The following ABCC2 variants were observed in gnomAD, a reference collection of about 807,000 sequenced individuals.
ABCC2 encodes the protein ATP binding cassette subfamily C member 2, also known as ATP-binding cassette sub-family C member 2.
ABCC2 carries 157 observed loss-of-function variants against 173.4 expected under a neutral mutation model. That is an observed-to-expected ratio of 0.91 (90% CI 0.80 to 1.03). The LOEUF (loss-of-function observed/expected upper bound fraction) is 1.03, where lower values mean the gene tolerates loss of function less well. ABCC2 is among the 50% of genes least tolerant of loss of function. ABCC2 has a pLI of 0.00. For synonymous variants in ABCC2, 657 were observed against 693.5 expected (o/e 0.95, Z 0.83); for missense variants, 1,822 against 1,852.3 (o/e 0.98, Z 0.30).
intron 1 of ABCC2, among the ~76,000 whole-genome samples, chr10:99,783,689 A>T (rs2037655698): frequency 6.6e-6 from 1 of 152,120 alleles, no homozygotes; most frequent in South Asian, 2.1e-4. Flanking sequence ...TGAGAGGGGC[A>T]GGGATGAGAT....
At position 99,830,721 on chromosome 10, in the gene ABCC2, G is replaced by C. The variant is rs746216620; in HGVS notation, c.2753G>C (p.Arg918Thr). The change falls in exon 21 of 32, where the codon AGG (arginine) becomes ACG (threonine). Residue 918 changes from arginine (R) to threonine (T), a missense_variant. Physicochemically the swap from Arg to Thr is moderately conservative, Grantham distance 71. Transcript: ENST00000647814. ...GGGAAGCTTCCCTCTCTCAGTTCTA[G>C]GTCCAATGGCAGGCATCTGAAGTCC... ...SFRRTLSRSS[R>T]SNGRHLKSLR... 7 of 1,614,044 alleles carry C rather than the reference G, an allele frequency of 4.3e-6. No individual in the cohort carries two copies. In the South Asian group the frequency reaches 7.7e-5, roughly 18 times the overall value.
chr10:99,796,227 T>C (rs776494694), intron 6 of ABCC2, among the ~76,000 whole-genome samples: 23 of 152,006 alleles, frequency 1.5e-4, no homozygotes, highest in Non-Finnish European at 3.4e-4. Flanking sequence ...GCTGGGGGCC[T>C]GGTGCAGTGG....
intron 9 of ABCC2, among the ~76,000 whole-genome samples, chr10:99,803,474 C>G (rs2038045442): frequency 6.6e-6 from 1 of 152,166 alleles, no homozygotes; most frequent in Non-Finnish European, 1.5e-5. Context: ...TCCTCCCTCT[C>G]TCCTTCCATC....
chr10:99,795,776 AAAG>A (rs2037898267), intron 6 of ABCC2, among the ~76,000 whole-genome samples: 1 of 146,186 alleles, frequency 6.8e-6, no homozygotes, highest in African/African-American at 2.7e-5. Flanking sequence ...AGAAAGAAAG[AAAG>A]AAAGAAAGAA....
chr10:99,801,211 A>G (rs1188408861), intron 9 of ABCC2, among the ~76,000 whole-genome samples: 3 of 151,552 alleles, frequency 2.0e-5, no homozygotes, highest in Admixed American at 6.6e-5. Context: ...CCTCTGATAC[A>G]TTGTTTGTTG....
intron 2 of ABCC2, among the ~76,000 whole-genome samples, chr10:99,785,886 C>T (rs1241308997): frequency 6.6e-6 from 1 of 151,916 alleles, no homozygotes; most frequent in Non-Finnish European, 1.5e-5. Context: ...TACTAGCATA[C>T]CTAACAATGA....
At chr10:99,795,781 AAGAAAG>A (rs2037899172) in intron 6 of ABCC2, among the ~76,000 whole-genome samples, 1 of 144,146 alleles carries the variant, frequency 6.9e-6, no homozygotes, top group Non-Finnish European at 1.5e-5. Flanking sequence ...GAAAGAAAGA[AAGAAAG>A]AAAGAAAGAA....
At chr10:99,832,783 A>T (rs1457460791) in intron 23 of ABCC2, among the ~76,000 whole-genome samples, 2 of 152,214 alleles carry the variant, frequency 1.3e-5, no homozygotes, top group Non-Finnish European at 2.9e-5. Flanking sequence ...TCTACCACAG[A>T]TCCTGGACCC....
At chr10:99,843,017 C>T (rs2038968973) in intron 26 of ABCC2, among the ~76,000 whole-genome samples, 1 of 150,986 alleles carries the variant, frequency 6.6e-6, no homozygotes, top group Non-Finnish European at 1.5e-5. Context: ...CGTGCCATTG[C>T]ACTCCAGCCT....
Position 99,794,734 on chromosome 10 carries a change from G to A in ABCC2, c.632+266G>A, listed in dbSNP as rs551722734. On this transcript the variant is annotated intron_variant, in intron 6 of 31. Transcript: ENST00000647814. ...TAATTTTTGTATTTTTAGTAGAGACGGGGTTTCACCATGTTGGCCAAGCTG... is the reference window on the plus strand; with the variant it reads ...TAATTTTTGTATTTTTAGTAGAGACAGGGTTTCACCATGTTGGCCAAGCTG... 50 of 394,120 alleles carry A rather than the reference G, an allele frequency of 1.3e-4. No individual in the cohort carries two copies. The East Asian group carries it at 1.9e-3, about 15-fold the overall frequency. 24.4% of individuals were successfully genotyped at this position (394,120 alleles called of 1,614,324 possible).
At chr10:99,817,598 A>G in intron 17 of ABCC2, 114 bp downstream of exon 17, 1 of 1,160,512 alleles carries the variant, frequency 8.6e-7, no homozygotes, top group Non-Finnish European at 1.3e-6. Context: ...AGGTAGTCAT[A>G]TTTGGAATAA....
intron 28 of ABCC2, among the ~76,000 whole-genome samples, chr10:99,844,958 A>G (rs1264233089): frequency 6.6e-6 from 1 of 152,226 alleles, no homozygotes; most frequent in Non-Finnish European, 1.5e-5. Context: ...TCTGGCTCTC[A>G]GCTGGTGGCA....
chr10:99,818,719 CCCCT>C, intron 17 of ABCC2, 67 bp from the exon 18 acceptor site: 1 of 1,571,258 alleles, frequency 6.4e-7, no homozygotes, highest in South Asian at 1.1e-5. Context: ...CTTCCTTTTA[CCCCT>C]CCCTATTAGA....
In ABCC2 at chr10:99,817,342, T is replaced by G. The variant is rs1479069812; in HGVS notation, c.2129T>G (p.Ile710Ser). 6.2e-7 allele frequency: 1 copy of G among 1,614,074 alleles called. No individual in the cohort carries two copies. The highest frequency in any genetic ancestry group is 2.2e-5 in the East Asian group (1 of 44,898). The stretch of plus-strand genomic sequence containing the variant: ...GCCTATGTCCCACAGCAGTCCTGGA[T>G]TCAGAATGGCACCATAAAGGACAAC... ...TTAYVPQQSWIQNGTIKDNIL... is the reference protein window; with the variant it reads ...TTAYVPQQSWSQNGTIKDNIL... The change falls in exon 17 of 32, where the codon ATT (isoleucine) becomes AGT (serine). Residue 710 changes from isoleucine (I) to serine (S), a missense_variant. Physicochemically the swap from Ile to Ser is moderately radical, Grantham distance 142. Transcript: ENST00000647814.
chr10:99,816,852 C>T (rs977636838), intron 16 of ABCC2, among the ~76,000 whole-genome samples: 30 of 152,262 alleles, frequency 2.0e-4, no homozygotes, highest in African/African-American at 7.2e-4. Flanking sequence ...TGAGGTGGAA[C>T]AGTTTCATCC....
Position 99,844,391 on chromosome 10 carries a change from T to A in ABCC2, c.3913T>A (p.Tyr1305Asn), listed in dbSNP as rs1692314963. Residue 1305 changes from tyrosine (Y) to asparagine (N), a missense_variant, in exon 28 of 32, where the codon TAC (tyrosine) becomes AAC (asparagine). Physicochemically the swap from Tyr to Asn is moderately radical, Grantham distance 143. Transcript: ENST00000647814. Reference protein sequence around the residue: ...PSKGKIQFNNYQVRYRPELDL... With the variant: ...PSKGKIQFNNNQVRYRPELDL... ...CAAAGGCAAGATCCAGTTTAACAAC[T>A]ACCAAGTGCGGTACCGACCTGAGCT... 6.2e-7 allele frequency: 1 copy of A among 1,614,200 alleles called. No homozygotes were observed. Among genetic ancestry groups the A allele is most frequent in the Non-Finnish European group, 8.5e-7 (1 of 1,180,034 alleles).
At chr10:99,822,923 T>C (rs1484775945) in intron 19 of ABCC2, among the ~76,000 whole-genome samples, 1 of 152,136 alleles carries the variant, frequency 6.6e-6, no homozygotes, top group East Asian at 1.9e-4. Flanking sequence ...TGGTCCATTG[T>C]CAGTTTTGAT....
intron 19 of ABCC2, among the ~76,000 whole-genome samples, chr10:99,826,128 T>C (rs113798403): frequency 0.016 from 2,439 of 152,350 alleles, 58 homozygotes; most frequent in African/African-American, 0.048. Flanking sequence ...ATTCTGTTTA[T>C]TTGAGACTGG....
chr10:99,836,417 A>G (rs2038825604), intron 25 of ABCC2, 127 bp downstream of exon 25: 3 of 991,294 alleles, frequency 3.0e-6, no homozygotes, highest in Non-Finnish European at 4.7e-6. Context: ...CTGTCATGCT[A>G]TGTAAGTGGA....
Sources: allele counts gnomAD v4.1 joint callset (sites outside exome capture counted in the v4.1 genomes callset), GRCh38; gene constraint gnomAD v4.1.1; transcripts MANE v1.5; gene names NCBI Gene and HGNC (gene_info 2026-07-23, HGNC 2026-07-21).